NUP58: variants seen among roughly 807,000 people sequenced by gnomAD.
The protein encoded by NUP58 is nucleoporin 58.
NUP58 carries 17 observed loss-of-function variants against 70.1 expected under a neutral mutation model. The observed-to-expected ratio is 0.24, with a 90% CI of 0.17 to 0.36. The LOEUF is 0.36. Among genes scored for constraint, NUP58 ranks in the 10% least tolerant of loss-of-function variants. The pLI, the probability that NUP58 is intolerant of heterozygous loss-of-function variation, is 1.00. For missense variants in NUP58, 644 were observed against 701.5 expected (o/e 0.92, Z 0.93); for synonymous variants, 275 against 257.6 (o/e 1.07, Z -0.65).
Position 25,340,370 on chromosome 13 carries a change from C to T in NUP58, c.*236C>T. The T allele has an allele frequency of 2.6e-6, 1 of 386,434 alleles. No individual in the cohort carries two copies. The highest frequency in any genetic ancestry group is 4.7e-5 in the South Asian group (1 of 21,330). 23.9% of individuals were successfully genotyped at this position (386,434 alleles called of 1,614,324 possible). A position where few individuals can be genotyped will look rare whatever the true frequency, so the allele number is the denominator to read the frequency against. Reference sequence around the variant, plus strand: ...TTTGATTCTCAGTGTAAGAAATGTTCTGATTACATCACTGATTGGTAATGG... The same window carrying T: ...TTTGATTCTCAGTGTAAGAAATGTTTTGATTACATCACTGATTGGTAATGG... On this transcript the variant is annotated 3_prime_UTR_variant, in exon 16 of 16. Coordinates refer to ENST00000381736, the MANE Select transcript of NUP58 (RefSeq NM_014089.4).
Position 25,307,896 on chromosome 13 carries a change from G to A in NUP58, c.198G>A (p.Gly66=). ...CTCCTTCAAGTGGTTTTGGAACCGG[G>A]CTCTTTGGATCTAAACCTGCCACTG... ...TSAPSSGFGT[G]LFGSKPATGF... is the part of the protein sequence containing the mutation. The change falls in exon 2 of 16, where the codon GGG becomes GGA. Residue 66 remains glycine, a synonymous_variant. Transcript: ENST00000381736. 6.2e-7 allele frequency: 1 copy of A among 1,614,096 alleles called. No homozygotes were observed. Among genetic ancestry groups the A allele is most frequent in the East Asian group, 2.2e-5 (1 of 44,858 alleles).
chr13:25,310,105 C>CCATCACA, intron 3 of NUP58: 1 of 275,212 alleles, frequency 3.6e-6, no homozygotes, highest in South Asian at 3.1e-5. Flanking sequence ...TGCAGTGGCA[C>CCATCACA]CATCACAGCT....
At chr13:25,314,506 A>G (rs879881344) in intron 5 of NUP58, among the ~76,000 whole-genome samples, 1 of 151,908 alleles carries the variant, frequency 6.6e-6, no homozygotes, top group African/African-American at 2.4e-5. Context: ...GACCAGCCTG[A>G]CCAACATGGT....
At chr13:25,317,282 T>C (rs2030976411) in intron 6 of NUP58, among the ~76,000 whole-genome samples, 1 of 152,200 alleles carries the variant, frequency 6.6e-6, no homozygotes, top group South Asian at 2.1e-4. Flanking sequence ...ATTTGCCATG[T>C]TGAGTTTTGT....
chr13:25,306,331 G>C (rs1018969310), intron 1 of NUP58, among the ~76,000 whole-genome samples: 1 of 151,128 alleles, frequency 6.6e-6, no homozygotes, highest in African/African-American at 2.4e-5. Flanking sequence ...GGTGAACCCG[G>C]GAGCCGGAGC....
chr13:25,328,113 C>T (rs1391613905), intron 12 of NUP58, among the ~76,000 whole-genome samples: 7 of 151,780 alleles, frequency 4.6e-5, no homozygotes, highest in Non-Finnish European at 1.0e-4. Flanking sequence ...GCAGGAGAAT[C>T]GCTTGAACCC....
In NUP58 at chr13:25,320,542, T is replaced by C. The variant is rs2031137336; in HGVS notation, c.723T>C (p.Ala241=). ...KTGTRPEDSK[A]LKDENLPPVI... ...GCATTTTTCTTAGGGATAGTAAAGC[T>C]CTGAAGGATGAAAATCTACCTCCTG... Residue 241 remains alanine, a synonymous_variant, in exon 8 of 16, where the codon GCT becomes GCC. Transcript: ENST00000381736. The C allele has an allele frequency of 6.2e-7, 1 of 1,610,204 alleles. No individual in the cohort carries two copies. The highest frequency in any genetic ancestry group is 8.5e-7 in the Non-Finnish European group (1 of 1,177,320).
At chr13:25,303,449 T>G (rs1391213348) in intron 1 of NUP58, among the ~76,000 whole-genome samples, 2 of 152,148 alleles carry the variant, frequency 1.3e-5, no homozygotes, top group Non-Finnish European at 2.9e-5. Context: ...TATTTCTTTT[T>G]TTTTTTAATG....
At position 25,315,426 on chromosome 13, in the gene NUP58, G is replaced by T. The variant is rs1185832551; in HGVS notation, c.644G>T (p.Gly215Val). ...GCTACTTCAACTGCAGGCAATGAAG[G>T]CCTTGGTGGTATAGATTTCAGTAGC... ...TAATSTAGNE[G>V]LGGIDFSSSS... Residue 215 changes from glycine to valine, a missense_variant, in exon 6 of 16, where the codon GGC becomes GTC. Gly to Val is a moderately radical substitution (Grantham distance 109). Around this residue, in one of 4 missense-constraint regions of NUP58, gnomAD observed 430 missense variants for 409.2 expected, o/e 1.05. Coordinates refer to ENST00000381736, the MANE Select transcript of NUP58 (RefSeq NM_014089.4). The T allele has an allele frequency of 6.2e-7, 1 of 1,613,742 alleles. No homozygotes were observed. The highest frequency in any genetic ancestry group is 1.3e-5 in the African/African-American group (1 of 74,922).
chr13:25,328,213 T>G (rs751225069), intron 12 of NUP58, among the ~76,000 whole-genome samples: 15 of 151,524 alleles, frequency 9.9e-5, no homozygotes, highest in Non-Finnish European at 2.2e-4. Flanking sequence ...AAAAAGAAAA[T>G]AAGCATTCTT....
At chr13:25,345,366 G>A (rs2032035727), downstream of NUP58, among the ~76,000 whole-genome samples, 1 of 131,636 alleles carries the variant, frequency 7.6e-6, no homozygotes, top group Non-Finnish European at 1.6e-5. Flanking sequence ...AGTTCATATG[G>A]GGGAAACTAC....
At chr13:25,335,220 A>G in intron 13 of NUP58, 1 of 985,124 alleles carries the variant, frequency 1.0e-6, no homozygotes, top group African/African-American at 1.7e-5. Context: ...ATCATTAGAT[A>G]TGAGTTCTTG....
intron 9 of NUP58, among the ~76,000 whole-genome samples, chr13:25,323,801 A>G (rs567930733): frequency 9.7e-4 from 147 of 152,314 alleles, no homozygotes; most frequent in African/African-American, 3.5e-3. Flanking sequence ...TCAGCTCTCC[A>G]GTCATTCAAC....
At chr13:25,309,426 G>A (rs142535611) in intron 3 of NUP58, 144 bp downstream of exon 3, 14 of 601,620 alleles carry the variant, frequency 2.3e-5, no homozygotes, top group East Asian at 6.1e-5. Context: ...GTGACTTATC[G>A]GAGAACCTTT....
downstream of NUP58, among the ~76,000 whole-genome samples, chr13:25,346,192 G>GATCT (rs1459982125): frequency 6.6e-6 from 1 of 152,146 alleles, no homozygotes; most frequent in African/African-American, 2.4e-5. Flanking sequence ...CAGGGGCCAG[G>GATCT]ATCTACTCTT....
chr13:25,336,912 A>AT (rs75002041), intron 13 of NUP58, 24 bp from the exon 14 acceptor site: 99,047 of 1,237,014 alleles, frequency 0.08, 51 homozygotes, highest in South Asian at 0.085. Flanking sequence ...TTTCCCCCCC[A>AT]TTTTTTTTTT....
At chr13:25,326,062 CA>C (rs1410097398) in intron 10 of NUP58, among the ~76,000 whole-genome samples, 4 of 152,114 alleles carry the variant, frequency 2.6e-5, no homozygotes. Flanking sequence ...AAATAATGTT[CA>C]CTATGCTAAA....
At chr13:25,336,835 C>A in intron 13 of NUP58, 101 bp from the exon 14 acceptor site, 2 of 734,746 alleles carry the variant, frequency 2.7e-6, no homozygotes, top group East Asian at 2.8e-5. Flanking sequence ...AAAGTAATCA[C>A]TGTTCATTTT....
At position 25,321,008 on chromosome 13, in the gene NUP58, C is replaced by G. The variant is rs373048208; in HGVS notation, c.866C>G (p.Ala289Gly). The change falls in exon 9 of 16, where the codon GCT becomes GGT. Residue 289 changes from alanine (A) to glycine (G), a missense_variant. Ala to Gly is a moderately conservative substitution (Grantham distance 60). Around this residue, in one of 4 missense-constraint regions of NUP58, gnomAD observed 430 missense variants for 409.2 expected, o/e 1.05. Coordinates refer to ENST00000381736, the MANE Select transcript of NUP58 (RefSeq NM_014089.4). ...AMLKVQEDIKALKQLLSLAAN... is the reference protein window; with the variant it reads ...AMLKVQEDIKGLKQLLSLAAN... ...CTTAAGGTACAAGAAGATATTAAAG[C>G]TCTGAAGCAGCTCCTGTCGTTGGCT... The G allele has an allele frequency of 6.9e-6, 11 of 1,599,600 alleles. No individual in the cohort carries two copies. The highest frequency in any genetic ancestry group is 2.7e-5 in the African/African-American group (2 of 74,018).
Sources: gnomAD v4.1 joint callset for allele counts (sites outside exome capture counted in the v4.1 genomes callset) on GRCh38, gnomAD v4.1.1 for gene constraint, gnomAD v4.1.1 regional missense constraint, MANE v1.5 for transcripts, NCBI Gene and HGNC (gene_info 2026-07-23, HGNC 2026-07-21) for gene names.